UNC5C: variants seen among roughly 807,000 people sequenced by gnomAD.
UNC5C encodes netrin receptor UNC5C.
In UNC5C, 47 loss-of-function variants were observed where a neutral mutation model predicts 99.8. The observed-to-expected ratio is 0.47, with a 90% CI of 0.37 to 0.60. The LOEUF (loss-of-function observed/expected upper bound fraction) is 0.60. Ranked by LOEUF, UNC5C falls within the 20% of genes least tolerant of loss-of-function variation. UNC5C has a pLI of 0.00. For synonymous variants in UNC5C, 487 were observed against 452.2 expected (o/e 1.08, Z -0.98); for missense variants, 1,062 against 1,165.9 (o/e 0.91, Z 1.30).
chr4:95,289,932 A>AT (rs960146718), intron 3 of UNC5C, among the ~76,000 whole-genome samples: 1 of 152,198 alleles, frequency 6.6e-6, no homozygotes, highest in African/African-American at 2.4e-5. Flanking sequence ...TTTTGCTGGA[A>AT]TTTTTAAAAA....
intron 1 of UNC5C, among the ~76,000 whole-genome samples, chr4:95,434,221 C>T (rs1217680050): frequency 6.6e-6 from 1 of 152,050 alleles, no homozygotes; most frequent in African/African-American, 2.4e-5. Flanking sequence ...CCTCTTTGAT[C>T]TCTTCTTTCT....
At chr4:95,360,371 G>A (rs1236987275) in intron 1 of UNC5C, among the ~76,000 whole-genome samples, 5 of 152,144 alleles carry the variant, frequency 3.3e-5, no homozygotes, top group Non-Finnish European at 5.9e-5. Flanking sequence ...AATATGAAGA[G>A]GAGCAGTAAG....
chr4:95,360,439 G>C (rs560430517), intron 1 of UNC5C, among the ~76,000 whole-genome samples: 1 of 152,224 alleles, frequency 6.6e-6, no homozygotes, highest in African/African-American at 2.4e-5. Flanking sequence ...GCTCCACAGA[G>C]TAAGAGATTA....
intron 11 of UNC5C, among the ~76,000 whole-genome samples, chr4:95,203,670 G>A (rs1159455323): frequency 2.0e-5 from 3 of 151,968 alleles, no homozygotes; most frequent in Non-Finnish European, 4.4e-5. Context: ...TCACTATGTT[G>A]CCAGGCTGGC....
chr4:95,350,387 T>A (rs776549431), intron 1 of UNC5C, among the ~76,000 whole-genome samples: 2 of 152,006 alleles, frequency 1.3e-5, no homozygotes, highest in Non-Finnish European at 2.9e-5. Context: ...CTCAGGAGGC[T>A]GAGGCAGGAG....
chr4:95,311,930 C>G (rs1020323263), intron 2 of UNC5C, among the ~76,000 whole-genome samples: 1 of 152,054 alleles, frequency 6.6e-6, no homozygotes, highest in Non-Finnish European at 1.5e-5. Context: ...GCCTACAGTA[C>G]TAGCTGCTCA....
intron 1 of UNC5C, among the ~76,000 whole-genome samples, chr4:95,354,479 A>ATATATATTT: frequency 1.8e-5 from 2 of 110,348 alleles, no homozygotes; most frequent in Non-Finnish European, 3.6e-5. Context: ...ATATATATAT[A>ATATATATTT]TTTTTTTTTT....
At chr4:95,462,637 T>C (rs1300881255) in intron 1 of UNC5C, among the ~76,000 whole-genome samples, 1 of 152,200 alleles carries the variant, frequency 6.6e-6, no homozygotes, top group Non-Finnish European at 1.5e-5. Flanking sequence ...TGCTGTAATG[T>C]TTTAGACATT....
At chr4:95,253,994 T>C (rs151195221) in intron 4 of UNC5C, among the ~76,000 whole-genome samples, 1 of 152,312 alleles carries the variant, frequency 6.6e-6, no homozygotes, top group Non-Finnish European at 1.5e-5. Flanking sequence ...CTGATGCCAT[T>C]GTTTCTTCTG....
intron 1 of UNC5C, among the ~76,000 whole-genome samples, chr4:95,475,590 T>G (rs948575641): frequency 5.3e-5 from 8 of 152,064 alleles, no homozygotes; most frequent in African/African-American, 1.9e-4. Context: ...ATATTCAAAA[T>G]ATAAAGTCAG....
In UNC5C at chr4:95,474,221, G is replaced by A. The variant is rs190969382; in HGVS notation, c.124+74513C>T. 2.7e-4 allele frequency among the ~76,000 whole-genome samples: 41 copies of A among 152,174 alleles called. 1 individual carries two copies. The highest frequency in any genetic ancestry group is 2.5e-3 in the Admixed American group (38 of 15,270). ...GACTGTCCCACTGCCACAAAGTTGA[G>A]ATGGAATCAAACCAGGCTTGAGACA... On this transcript the variant is annotated intron_variant, in intron 1 of 15. Transcript: ENST00000453304.
At chr4:95,531,211 T>G (rs1257572111) in intron 1 of UNC5C, among the ~76,000 whole-genome samples, 1 of 152,208 alleles carries the variant, frequency 6.6e-6, no homozygotes, top group Non-Finnish European at 1.5e-5. Context: ...CCTTAAATGC[T>G]GTTTGGTCTA....
At chr4:95,293,274 T>C (rs1741549222) in intron 3 of UNC5C, among the ~76,000 whole-genome samples, 1 of 151,098 alleles carries the variant, frequency 6.6e-6, no homozygotes, top group Admixed American at 6.6e-5. Context: ...TTTATGTTTC[T>C]GTATTATAAA....
intron 1 of UNC5C, among the ~76,000 whole-genome samples, chr4:95,547,365 G>A (rs1660809839): frequency 6.6e-6 from 1 of 152,080 alleles, no homozygotes; most frequent in African/African-American, 2.4e-5. Flanking sequence ...TCCTATGCTA[G>A]GCGCTCTCCT....
intron 1 of UNC5C, among the ~76,000 whole-genome samples, chr4:95,467,090 A>G (rs917112105): frequency 1.1e-4 from 16 of 152,144 alleles, no homozygotes; most frequent in Admixed American, 9.2e-4. Context: ...ACAACTTGGG[A>G]GCAGATCCTC....
intron 4 of UNC5C, among the ~76,000 whole-genome samples, chr4:95,273,367 T>G (rs916113702): frequency 8.5e-5 from 13 of 152,256 alleles, no homozygotes; most frequent in African/African-American, 3.1e-4. Context: ...ATTGATGTTT[T>G]GATCCTAGTA....
At chr4:95,324,590 C>T (rs968987196) in intron 2 of UNC5C, among the ~76,000 whole-genome samples, 1 of 152,168 alleles carries the variant, frequency 6.6e-6, no homozygotes, top group Non-Finnish European at 1.5e-5. Context: ...TATACATTTG[C>T]TATGGTCTCA....
intron 12 of UNC5C, among the ~76,000 whole-genome samples, chr4:95,198,989 T>C (rs1350149581): frequency 6.6e-6 from 1 of 152,076 alleles, no homozygotes. Context: ...CCTAGACCAA[T>C]TAGATCAGAA....
At chr4:95,475,544 C>G (rs1560847478) in intron 1 of UNC5C, among the ~76,000 whole-genome samples, 1 of 149,376 alleles carries the variant, frequency 6.7e-6, no homozygotes, top group Admixed American at 6.6e-5. Context: ...GATAGACAGA[C>G]AGATGGATAG....
Sources: gnomAD v4.1 joint callset for allele counts (sites outside exome capture counted in the v4.1 genomes callset) on GRCh38, gnomAD v4.1.1 for gene constraint, MANE v1.5 for transcripts, NCBI Gene and HGNC (gene_info 2026-07-23, HGNC 2026-07-21) for gene names.